ELAVL2: variants seen among roughly 807,000 people sequenced by gnomAD.
ELAVL2 encodes ELAV-like protein 2.
Under a neutral mutation model 34.6 loss-of-function variants are expected in ELAVL2, and 4 were observed. The observed-to-expected ratio is 0.12, with a 90% CI of 0.06 to 0.26. The LOEUF (loss-of-function observed/expected upper bound fraction) is 0.26. Among genes scored for constraint, ELAVL2 ranks in the 10% least tolerant of loss-of-function variants. The pLI is 1.00. For missense variants in ELAVL2, 432 were observed against 442.8 expected (o/e 0.98, Z 0.22); for synonymous variants, 193 against 154.8 (o/e 1.25, Z -1.83).
chr9:23,765,879 T>C (rs930061426), intron 1 of ELAVL2, among the ~76,000 whole-genome samples: 1 of 152,172 alleles, frequency 6.6e-6, no homozygotes, highest in Non-Finnish European at 1.5e-5. Context: ...AAATTAGTGC[T>C]GCTATGAGGC....
chr9:23,693,690 T>A (rs556348061), intron 5 of ELAVL2, among the ~76,000 whole-genome samples: 31 of 152,300 alleles, frequency 2.0e-4, no homozygotes, highest in African/African-American at 7.2e-4. Flanking sequence ...GGTTTCTCTC[T>A]ACAAGGGTCA....
chr9:23,789,149 A>G (rs1243248918), intron 1 of ELAVL2, among the ~76,000 whole-genome samples: 1 of 152,154 alleles, frequency 6.6e-6, no homozygotes, highest in Non-Finnish European at 1.5e-5. Flanking sequence ...GGGGAATAGA[A>G]GTTTGGCCTG....
chr9:23,767,550 G>A (rs1432232557), intron 1 of ELAVL2, among the ~76,000 whole-genome samples: 1 of 152,144 alleles, frequency 6.6e-6, no homozygotes, highest in East Asian at 1.9e-4. Context: ...GGAGGCTGAG[G>A]TAGGTGGACC....
At chr9:23,824,029 C>T (rs562959688) in intron 1 of ELAVL2, among the ~76,000 whole-genome samples, 1 of 152,140 alleles carries the variant, frequency 6.6e-6, no homozygotes, top group Non-Finnish European at 1.5e-5. Context: ...GGGACAGAAT[C>T]CGTGCATTTC....
chr9:23,761,851 T>C (rs2055090154), intron 2 of ELAVL2, among the ~76,000 whole-genome samples, 155 bp downstream of exon 2: 1 of 152,086 alleles, frequency 6.6e-6, no homozygotes, highest in Non-Finnish European at 1.5e-5. Context: ...AAGAAAATTT[T>C]AAACTAAGTT....
intron 2 of ELAVL2, among the ~76,000 whole-genome samples, chr9:23,731,640 G>A (rs181172572): frequency 6.6e-6 from 1 of 152,080 alleles, no homozygotes. Flanking sequence ...GTGTGGGCGT[G>A]TATACATGTA....
In ELAVL2 at chr9:23,701,573, A is replaced by G. The variant is rs780759086; in HGVS notation, c.519T>C (p.Phe173=). The change falls in exon 5 of 7, where the codon TTT becomes TTC. Residue 173 remains phenylalanine (F), a synonymous_variant. Transcript: ENST00000397312. ...CTTCTTCTGCCTCAATTCGCTTGTCAAATCGAATAAACCCTACACCCCTTG... is the reference window on the plus strand; with the variant it reads ...CTTCTTCTGCCTCAATTCGCTTGTCGAATCGAATAAACCCTACACCCCTTG... ...GISRGVGFIR[F]DKRIEAEEAI... 6.2e-7 allele frequency: 1 copy of G among 1,614,134 alleles called. No individual in the cohort carries two copies. Among genetic ancestry groups the G allele is most frequent in the Non-Finnish European group, 8.5e-7 (1 of 1,179,994 alleles).
At chr9:23,780,313 G>C (rs1056922181) in intron 1 of ELAVL2, among the ~76,000 whole-genome samples, 1 of 152,094 alleles carries the variant, frequency 6.6e-6, no homozygotes, top group Non-Finnish European at 1.5e-5. Flanking sequence ...AGAATGTGAA[G>C]CTCTCACATT....
intron 3 of ELAVL2, among the ~76,000 whole-genome samples, chr9:23,709,295 G>A (rs4977625): frequency 0.58 from 87,680 of 151,932 alleles, 25,695 homozygotes; most frequent in Middle Eastern, 0.68. Flanking sequence ...ATTATAAATA[G>A]AAAATGTATT....
chr9:23,742,218 C>T (rs529913420), intron 2 of ELAVL2, among the ~76,000 whole-genome samples: 6 of 152,236 alleles, frequency 3.9e-5, no homozygotes, highest in East Asian at 3.9e-4. Context: ...GCAGGGCTTA[C>T]GATTTTCTGA....
rs192317291 is a variant in ELAVL2 at position 23,805,213 on chromosome 9, C to T, written c.-16+20593G>A. Among the ~76,000 whole-genome samples, 9 of 152,244 alleles carry T rather than the reference C, an allele frequency of 5.9e-5. No individual in the cohort carries two copies. In the East Asian group the frequency reaches 1.7e-3, roughly 29 times the overall value. On this transcript the variant is annotated intron_variant, in intron 1 of 6. Transcript: ENST00000397312. Reference sequence around the variant, plus strand: ...ATTTGGGGATTTTCCTAGTTTAAAACAAACCACATCTCCGTAAAAGAAATA... The same window carrying T: ...ATTTGGGGATTTTCCTAGTTTAAAATAAACCACATCTCCGTAAAAGAAATA...
At chr9:23,822,938 G>A (rs1426656433) in intron 1 of ELAVL2, among the ~76,000 whole-genome samples, 1 of 152,228 alleles carries the variant, frequency 6.6e-6, no homozygotes, top group East Asian at 1.9e-4. Context: ...GGGTTGGGGG[G>A]AAGGGAGGGG....
chr9:23,720,320 C>T (rs2043345220), intron 3 of ELAVL2, among the ~76,000 whole-genome samples: 1 of 151,980 alleles, frequency 6.6e-6, no homozygotes, highest in Non-Finnish European at 1.5e-5. Flanking sequence ...ATCACAGGCA[C>T]CCGCCACCAT....
At chr9:23,764,543 C>T (rs760011796) in intron 1 of ELAVL2, among the ~76,000 whole-genome samples, 34 of 152,124 alleles carry the variant, frequency 2.2e-4, no homozygotes, top group Non-Finnish European at 3.5e-4. Flanking sequence ...CAACTGTTCA[C>T]AGAATGCAAA....
intron 1 of ELAVL2, among the ~76,000 whole-genome samples, chr9:23,792,675 C>T (rs1171725086): frequency 6.6e-6 from 1 of 152,166 alleles, no homozygotes; most frequent in African/African-American, 2.4e-5. Context: ...AATGTTTTCT[C>T]CCAACTTCTC....
At chr9:23,702,757 C>G (rs1208456044) in intron 4 of ELAVL2, among the ~76,000 whole-genome samples, 1 of 151,738 alleles carries the variant, frequency 6.6e-6, no homozygotes, top group Non-Finnish European at 1.5e-5. Context: ...ATTATTACCA[C>G]CTGATGGCTG....
At position 23,805,983 on chromosome 9, in the gene ELAVL2, T is replaced by G. The variant is rs2062167693; in HGVS notation, c.-16+19823A>C. Among the ~76,000 whole-genome samples the G allele has an allele frequency of 2.0e-5, 3 of 152,096 alleles. No homozygotes were observed. In the South Asian group the frequency reaches 6.2e-4, roughly 32 times the overall value. On this transcript the variant is annotated intron_variant, in intron 1 of 6. Transcript: ENST00000397312. ...TATATTTTTTTCTGGGTGGTCCAAG[T>G]AAATTAAACTCACCAACTAGACTGC...
intron 1 of ELAVL2, among the ~76,000 whole-genome samples, chr9:23,810,635 G>A (rs1405707014): frequency 6.6e-6 from 1 of 152,094 alleles, no homozygotes; most frequent in Non-Finnish European, 1.5e-5. Flanking sequence ...ACTACCAAAA[G>A]TAGAAAGAAC....
chr9:23,779,188 A>G, intron 1 of ELAVL2: 2 of 985,296 alleles, frequency 2.0e-6, no homozygotes, highest in Non-Finnish European at 1.2e-6. Flanking sequence ...TTGGAGGTAA[A>G]ACAGGAGGTA....
Sources: gnomAD v4.1 joint callset for allele counts (sites outside exome capture counted in the v4.1 genomes callset) on GRCh38, gnomAD v4.1.1 for gene constraint, MANE v1.5 for transcripts, NCBI Gene and HGNC (gene_info 2026-07-23, HGNC 2026-07-21) for gene names.